Variants in PSMA1 observed in about 807,000 individuals in gnomAD.
PSMA1 encodes the protein proteasome subunit alpha type-1.
A neutral mutation model predicts 38.4 loss-of-function variants in PSMA1; 3 were observed. The observed-to-expected ratio is 0.08, with a 90% CI of 0.04 to 0.20. The LOEUF is 0.20. Among genes scored for constraint, PSMA1 ranks in the 10% least tolerant of loss-of-function variants. The pLI is 1.00. For missense variants in PSMA1, 227 were observed against 325.3 expected, an observed-to-expected ratio of 0.70 and a Z score of 2.32; for synonymous variants, 101 against 107.1, an observed-to-expected ratio of 0.94 and a Z score of 0.35.
At chr11:14,591,034 G>C (rs1380558913) in intron 2 of PSMA1, among the ~76,000 whole-genome samples, 2 of 152,228 alleles carry the variant, frequency 1.3e-5, no homozygotes, top group East Asian at 3.9e-4. Context: ...GGCAAGGCCA[G>C]AGCCGGCTCC....
intron 1 of PSMA1, among the ~76,000 whole-genome samples, chr11:14,627,514 C>A (rs533401286): frequency 6.6e-6 from 1 of 152,318 alleles, no homozygotes; most frequent in South Asian, 2.1e-4. Flanking sequence ...GCACATAGAG[C>A]TTTGGAGTTC....
chr11:14,619,638 G>T (rs11023278), intron 1 of PSMA1, among the ~76,000 whole-genome samples: 45,833 of 152,084 alleles, frequency 0.3, 7,975 homozygotes, highest in South Asian at 0.43. Flanking sequence ...ATAATAGATT[G>T]CTTTCCTTGA....
chr11:14,613,595 G>A (rs1314713896), intron 1 of PSMA1, among the ~76,000 whole-genome samples: 1 of 152,034 alleles, frequency 6.6e-6, no homozygotes, highest in Non-Finnish European at 1.5e-5. Context: ...GTGGTATTAA[G>A]GACAGACTTC....
In PSMA1 at chr11:14,515,763, A is replaced by G. The variant is rs538497429; in HGVS notation, c.255-1272T>C. ...GAGACAGGGTTTCACCATGTTGGCC[A>G]GGCTGGTCTTGAACTCCGGACCTCA... On this transcript the variant is annotated intron_variant, in intron 4 of 9. Transcript: ENST00000396394. 2.4e-4 allele frequency among the ~76,000 whole-genome samples: 36 copies of G among 150,906 alleles called. No homozygotes were observed. The South Asian group carries it at 7.5e-3, about 32-fold the overall frequency.
chr11:14,521,778 A>C (rs1055357145), upstream of PSMA1, among the ~76,000 whole-genome samples: 4 of 149,878 alleles, frequency 2.7e-5, no homozygotes, highest in Non-Finnish European at 4.5e-5. Flanking sequence ...AAAAAAAAAA[A>C]CAAAAAACAA....
intron 2 of PSMA1, among the ~76,000 whole-genome samples, chr11:14,567,748 G>C (rs182142600): frequency 6.8e-4 from 103 of 152,220 alleles, no homozygotes; most frequent in Non-Finnish European, 1.2e-3. Flanking sequence ...GAATCTTTTT[G>C]CAGTCTATTT....
intron 2 of PSMA1, among the ~76,000 whole-genome samples, chr11:14,545,309 A>AAATTT (rs1382727366): frequency 1.3e-5 from 2 of 152,086 alleles, no homozygotes; most frequent in African/African-American, 4.8e-5. Context: ...TTTATTTTTA[A>AAATTT]AATTTAATTT....
At chr11:14,522,119 A>G (rs1428600746), upstream of PSMA1, among the ~76,000 whole-genome samples, 1 of 152,226 alleles carries the variant, frequency 6.6e-6, no homozygotes, top group Non-Finnish European at 1.5e-5. Context: ...ACAGATGTGT[A>G]ATAAATATAC....
intron 2 of PSMA1, among the ~76,000 whole-genome samples, chr11:14,592,904 T>A (rs1388579308): frequency 6.6e-6 from 1 of 152,348 alleles, no homozygotes; most frequent in South Asian, 2.1e-4. Context: ...CTCATCCTAG[T>A]TGTGCTTTAT....
chr11:14,627,992 A>G (rs938662045), intron 1 of PSMA1, among the ~76,000 whole-genome samples: 1 of 152,128 alleles, frequency 6.6e-6, no homozygotes, highest in African/African-American at 2.4e-5. Flanking sequence ...ACCAGGCTGC[A>G]CAACAGGAGG....
rs902463366 is a variant in PSMA1 at position 14,535,780 on chromosome 11, A to AT, written c.22-16740dup. ...AAATTTCAGTTTGGCTTTTATTTGG[A>AT]TTTTTTTTATTCTAAAAAATCCTGA... is the stretch of plus-strand genomic sequence containing the variant. On this transcript the variant is annotated intron_variant, in intron 2 of 10. Transcript: ENST00000418988. 2.6e-5 allele frequency among the ~76,000 whole-genome samples: 4 copies of AT among 151,820 alleles called. No individual in the cohort carries two copies. The South Asian group carries it at 6.2e-4, about 24-fold the overall frequency.
chr11:14,628,257 G>C (rs561126446), intron 1 of PSMA1, among the ~76,000 whole-genome samples: 2 of 147,222 alleles, frequency 1.4e-5, no homozygotes, highest in Admixed American at 6.8e-5. Flanking sequence ...ATGCTGGTGC[G>C]CTGCACCCAC....
At chr11:14,575,717 C>T (rs1852205185) in intron 2 of PSMA1, among the ~76,000 whole-genome samples, 1 of 152,182 alleles carries the variant, frequency 6.6e-6, no homozygotes, top group Non-Finnish European at 1.5e-5. Context: ...CCGCAATAAA[C>T]ATACGTGTGC....
At chr11:14,544,561 A>G (rs1851805997) in intron 2 of PSMA1, among the ~76,000 whole-genome samples, 1 of 152,246 alleles carries the variant, frequency 6.6e-6, no homozygotes, top group African/African-American at 2.4e-5. Flanking sequence ...CAAATGGCCA[A>G]TAAGCCCATA....
At chr11:14,508,030 C>T (rs1851275083) in intron 8 of PSMA1, among the ~76,000 whole-genome samples, 1 of 152,098 alleles carries the variant, frequency 6.6e-6, no homozygotes, top group African/African-American at 2.4e-5. Context: ...AAAGATAATG[C>T]AGGCTATAAA....
chr11:14,589,954 T>A lies in PSMA1; in HGVS notation c.21+21012A>T, dbSNP rs1240584617. ...AGTTGGAAGGAGCACAAGTGTTCAC[T>A]GATGGATGAATGGATAAACAGAATG... is the stretch of plus-strand genomic sequence containing the variant. On this transcript the variant is annotated intron_variant, in intron 2 of 10. Transcript: ENST00000418988. Among the ~76,000 whole-genome samples, 8 of 152,360 alleles carry A rather than the reference T, an allele frequency of 5.3e-5. No homozygotes were observed. In the East Asian group the frequency reaches 1.5e-3, roughly 29 times the overall value.
intron 9 of PSMA1, among the ~76,000 whole-genome samples, chr11:14,506,605 C>T (rs1432931172): frequency 6.6e-6 from 1 of 152,152 alleles, no homozygotes; most frequent in Non-Finnish European, 1.5e-5. Flanking sequence ...CTGAGATTCA[C>T]TTCTTGATGC....
At chr11:14,637,876 A>G (rs984190682) in intron 1 of PSMA1, among the ~76,000 whole-genome samples, 1 of 152,250 alleles carries the variant, frequency 6.6e-6, no homozygotes, top group South Asian at 2.1e-4. Context: ...AGGCTTAAAA[A>G]GAGTTGAACA....
chr11:14,541,467 T>C (rs781003895), intron 2 of PSMA1, among the ~76,000 whole-genome samples: 49 of 152,188 alleles, frequency 3.2e-4, no homozygotes, highest in Non-Finnish European at 5.7e-4. Context: ...AGGAAAGAGA[T>C]AGAGATTGGC....
Sources: allele counts gnomAD v4.1 joint callset (sites outside exome capture counted in the v4.1 genomes callset), GRCh38; gene constraint gnomAD v4.1.1; transcripts MANE v1.5; gene names NCBI Gene and HGNC (gene_info 2026-07-23, HGNC 2026-07-21).